Variants in CDH23 observed in about 807,000 individuals in gnomAD.
CDH23 encodes the protein cadherin-23.
Under a neutral mutation model 317.1 loss-of-function variants are expected in CDH23, and 189 were observed. That is an observed-to-expected ratio of 0.60 (90% CI 0.53 to 0.67). The LOEUF is 0.67. Among genes scored for constraint, CDH23 ranks in the 30% least tolerant of loss-of-function variants. CDH23 has a pLI of 0.00. For synonymous variants in CDH23, 1,839 were observed against 1,876.8 expected, an observed-to-expected ratio of 0.98 and a Z score of 0.52; for missense variants, 4,401 against 4,592.4, an observed-to-expected ratio of 0.96 and a Z score of 1.20.
chr10:71,499,404 A>T (rs957834008), intron 3 of CDH23, among the ~76,000 whole-genome samples: 1 of 152,088 alleles, frequency 6.6e-6, no homozygotes, highest in South Asian at 2.1e-4. Context: ...TCTACTAAAA[A>T]TACAAAAATT....
At position 71,791,062 on chromosome 10, in the gene CDH23, G is replaced by A. The variant is rs1030819043; in HGVS notation, c.6050-70G>A. 4 of 1,228,108 alleles carry A rather than the reference G, an allele frequency of 3.3e-6. No homozygotes were observed. The highest frequency in any genetic ancestry group is 1.3e-5 in the South Asian group (1 of 75,250). 76.1% of individuals were successfully genotyped at this position (1,228,108 alleles called of 1,614,324 possible). A position where few individuals can be genotyped will look rare whatever the true frequency, so the allele number is the denominator to read the frequency against. ...TGTCTTTCTCTGCTCTCTCCCTGTT[G>A]GTTCTTGCCCTGTCTTCCCACCGCA... On this transcript the variant is annotated intron_variant, in intron 46 of 69. Coordinates refer to ENST00000224721, the MANE Select transcript of CDH23 (RefSeq NM_022124.6).
rs1308628220 is a variant in CDH23 at position 71,798,482 on chromosome 10, G to T, written c.6958G>T (p.Ala2320Ser). The change falls in exon 50 of 70, where the codon GCC becomes TCC. Residue 2320 changes from alanine to serine, a missense_variant. Ala to Ser is a moderately conservative substitution (Grantham distance 99, BLOSUM62 1). This residue lies in a region of CDH23 where 3,068 missense variants were observed against 3,203.3 expected (regional missense o/e 0.96). Coordinates refer to ENST00000224721, the MANE Select transcript of CDH23 (RefSeq NM_022124.6). The part of the protein sequence containing the change: ...TPGTTLIAVA[A>S]VDPDKGLNGL... ...TGGGACCACACTCATTGCTGTGGCA[G>T]CCGTGGACCCTGACAAGGGCCTTAA... The T allele has an allele frequency of 6.2e-7, 1 of 1,614,012 alleles. No homozygotes were observed. Among genetic ancestry groups the T allele is most frequent in the Admixed American group, 1.7e-5 (1 of 60,024 alleles).
At chr10:71,697,067 T>C (rs1410170269) in intron 22 of CDH23, among the ~76,000 whole-genome samples, 4 of 152,196 alleles carry the variant, frequency 2.6e-5, no homozygotes, top group Non-Finnish European at 5.9e-5. Flanking sequence ...GTGAGGAAGG[T>C]TGCTCTGGGA....
chr10:71,688,399 G>C (rs567793661), intron 19 of CDH23, among the ~76,000 whole-genome samples: 14 of 152,376 alleles, frequency 9.2e-5, no homozygotes, highest in Admixed American at 3.9e-4. Flanking sequence ...ATGGATAGTG[G>C]AGTCAGGGAC....
chr10:71,465,930 C>T (rs943881947), intron 3 of CDH23, among the ~76,000 whole-genome samples: 1 of 152,122 alleles, frequency 6.6e-6, no homozygotes, highest in Non-Finnish European at 1.5e-5. Flanking sequence ...AATTTTTCTC[C>T]GGAGGGTGGG....
At chr10:71,688,748 AGG>A (rs2132698596) in intron 19 of CDH23, among the ~76,000 whole-genome samples, 2 of 140,160 alleles carry the variant, frequency 1.4e-5, no homozygotes, top group South Asian at 2.4e-4. Context: ...TGGTGGAGCC[AGG>A]GGTGGTGGAG....
At chr10:71,486,120 A>G (rs967012876) in intron 3 of CDH23, among the ~76,000 whole-genome samples, 18 of 152,174 alleles carry the variant, frequency 1.2e-4, no homozygotes, top group Admixed American at 4.6e-4. Context: ...GAATGGATAA[A>G]TGGGAGAATT....
chr10:71,629,109 C>T (rs1190252071), intron 11 of CDH23, among the ~76,000 whole-genome samples: 2 of 152,202 alleles, frequency 1.3e-5, no homozygotes, highest in East Asian at 1.9e-4. Context: ...TGGCTTATTC[C>T]TTCATTCATT....
chr10:71,729,549 G>T (rs1207130284), intron 30 of CDH23, among the ~76,000 whole-genome samples: 1 of 152,164 alleles, frequency 6.6e-6, no homozygotes, highest in African/African-American at 2.4e-5. Flanking sequence ...TGCTCACTGG[G>T]CTGGTTTCCA....
chr10:71,790,737 C>T (rs894915773), intron 46 of CDH23: 2 of 463,580 alleles, frequency 4.3e-6, no homozygotes, highest in Non-Finnish European at 3.9e-6. Context: ...GCAGAAGTAG[C>T]CAGAGCGACT....
At position 71,675,166 on chromosome 10, in the gene CDH23, G is replaced by A. The variant is rs200459094; in HGVS notation, c.1504G>A (p.Asp502Asn). The A allele has an allele frequency of 4.0e-5, 64 of 1,613,722 alleles. No homozygotes were observed. In the Middle Eastern group the frequency reaches 4.9e-4, roughly 12 times the overall value. ...FGEVSYFFSDDPDRFSLDKDT... is the reference protein window; with the variant it reads ...FGEVSYFFSDNPDRFSLDKDT... ...GGAAGTCAGCTACTTCTTCAGTGAT[G>A]ACCCTGACAGGTGAGACTCTGCCCA... is the stretch of plus-strand genomic sequence containing the variant. The change falls in exon 15 of 70, where the codon GAC (aspartate) becomes AAC (asparagine). Residue 502 changes from aspartate to asparagine, a missense_variant. Coordinates refer to ENST00000224721, the MANE Select transcript of CDH23 (RefSeq NM_022124.6).
intron 14 of CDH23, among the ~76,000 whole-genome samples, chr10:71,664,330 G>C (rs186507903): frequency 6.6e-6 from 1 of 152,228 alleles, no homozygotes; most frequent in Non-Finnish European, 1.5e-5. Flanking sequence ...AGGGAAATAA[G>C]GAAGAAGGTT....
intron 9 of CDH23, among the ~76,000 whole-genome samples, chr10:71,609,541 C>A (rs1281758351): frequency 1.3e-5 from 2 of 152,226 alleles, no homozygotes; most frequent in Non-Finnish European, 2.9e-5. Context: ...CCTTCCTCTT[C>A]CTGAGCTCTC....
chr10:71,573,121 C>T (rs1371112533), intron 8 of CDH23, among the ~76,000 whole-genome samples: 1 of 152,186 alleles, frequency 6.6e-6, no homozygotes, highest in Admixed American at 6.5e-5. Context: ...GGAGATAATG[C>T]ACATAAAACA....
At chr10:71,454,954 C>G (rs775293097) in intron 3 of CDH23, among the ~76,000 whole-genome samples, 60 of 151,802 alleles carry the variant, frequency 4.0e-4, no homozygotes, top group Non-Finnish European at 7.8e-4. Context: ...ATCCTCCCAC[C>G]TCAGCCTCTC....
intron 2 of CDH23, among the ~76,000 whole-genome samples, chr10:71,443,053 C>T (rs186477653): frequency 1.3e-5 from 2 of 152,344 alleles, no homozygotes; most frequent in East Asian, 3.9e-4. Context: ...CCTGCACTCC[C>T]TGTCCAGTGC....
intron 38 of CDH23, among the ~76,000 whole-genome samples, chr10:71,745,185 TTGAG>T (rs1416236012): frequency 1.3e-5 from 2 of 152,240 alleles, no homozygotes; most frequent in Middle Eastern, 3.4e-3. Context: ...AGAAATGAAG[TTGAG>T]TAAGGGAGGC....
intron 1 of CDH23, among the ~76,000 whole-genome samples, chr10:71,421,858 G>A (rs1368564487): frequency 1.3e-5 from 2 of 151,964 alleles, no homozygotes; most frequent in African/African-American, 4.8e-5. Flanking sequence ...GTGTCTGAAT[G>A]GGGGCAAATG....
At chr10:71,797,817 G>A (rs927870913) in intron 49 of CDH23, among the ~76,000 whole-genome samples, 3 of 152,020 alleles carry the variant, frequency 2.0e-5, no homozygotes, top group African/African-American at 4.8e-5. Context: ...TGTGGGCAGA[G>A]CGAGAGTTGA....
Sources: allele counts gnomAD v4.1 joint callset (sites outside exome capture counted in the v4.1 genomes callset), GRCh38; gene constraint gnomAD v4.1.1; regional missense constraint gnomAD v4.1.1; transcripts MANE v1.5; gene names NCBI Gene and HGNC (gene_info 2026-07-23, HGNC 2026-07-21).